KSR2: variants seen among roughly 807,000 people sequenced by gnomAD.
KSR2 encodes kinase suppressor of ras 2.
In KSR2, 25 loss-of-function variants were observed where a neutral mutation model predicts 107.8. The ratio of observed to expected loss-of-function variants is 0.23; its 90% CI spans 0.17 to 0.32. The LOEUF is 0.32. Among genes scored for constraint, KSR2 ranks in the 10% least tolerant of loss-of-function variants. KSR2 has a pLI of 1.00. For synonymous variants in KSR2, 480 were observed against 507.0 expected (o/e 0.95, Z 0.71); for missense variants, 887 against 1,268.9 (o/e 0.70, Z 4.57).
intron 4 of KSR2, among the ~76,000 whole-genome samples, chr12:117,758,864 C>T (rs765192541): frequency 6.6e-6 from 1 of 152,092 alleles, no homozygotes. Context: ...GGGAGAAGCA[C>T]AAAGTGTGGG....
chr12:117,514,318 A>G (rs1874227784), intron 14 of KSR2, among the ~76,000 whole-genome samples: 1 of 152,224 alleles, frequency 6.6e-6, no homozygotes. Context: ...CTAACCGTCC[A>G]CACCATTTTT....
intron 1 of KSR2, among the ~76,000 whole-genome samples, chr12:117,886,687 A>C (rs1202810335): frequency 6.6e-6 from 1 of 152,164 alleles, no homozygotes; most frequent in Non-Finnish European, 1.5e-5. Context: ...TATACATATA[A>C]TTATATATAA....
intron 5 of KSR2, among the ~76,000 whole-genome samples, chr12:117,615,834 G>A (rs1457857865): frequency 1.3e-5 from 2 of 152,198 alleles, no homozygotes; most frequent in African/African-American, 2.4e-5. Context: ...TGTATTGCTT[G>A]TTAAGCCAGT....
chr12:117,869,200 C>A (rs1893574536), intron 1 of KSR2, among the ~76,000 whole-genome samples: 1 of 152,024 alleles, frequency 6.6e-6, no homozygotes, highest in South Asian at 2.1e-4. Context: ...GGTGAAATCC[C>A]AACTCTACTA....
intron 5 of KSR2, among the ~76,000 whole-genome samples, chr12:117,643,275 T>A (rs1285750454): frequency 6.6e-6 from 1 of 152,062 alleles, no homozygotes; most frequent in East Asian, 1.9e-4. Flanking sequence ...ACCCCATCTC[T>A]CCTAGAAATA....
chr12:117,758,891 A>G (rs530708732), intron 4 of KSR2, among the ~76,000 whole-genome samples: 1 of 152,102 alleles, frequency 6.6e-6, no homozygotes, highest in African/African-American at 2.4e-5. Flanking sequence ...GTAGCAACCA[A>G]ACCCCAAATG....
chr12:117,735,555 C>T (rs1232626222), intron 4 of KSR2, among the ~76,000 whole-genome samples: 1 of 152,154 alleles, frequency 6.6e-6, no homozygotes, highest in Non-Finnish European at 1.5e-5. Context: ...AATTCTAATG[C>T]TCCTTCTTTT....
chr12:117,619,956 T>C (rs1356357), intron 5 of KSR2, among the ~76,000 whole-genome samples: 138,851 of 152,140 alleles, frequency 0.91, 63,590 homozygotes, highest in East Asian at 0.99. Context: ...TATTCCCAAC[T>C]CTAGCCCCAG....
chr12:117,781,802 C>G (rs181422102), intron 3 of KSR2, among the ~76,000 whole-genome samples: 113 of 152,324 alleles, frequency 7.4e-4, no homozygotes, highest in African/African-American at 2.6e-3. Context: ...GCCTCTGGAG[C>G]CCAAACGTCA....
At chr12:117,527,950 A>AGTGT (rs10664320) in intron 12 of KSR2, among the ~76,000 whole-genome samples, 4,791 of 142,628 alleles carry the variant, frequency 0.034, 114 homozygotes, top group East Asian at 0.11. Context: ...GGAAGACACA[A>AGTGT]GTGTGTGTGT....
rs146073722 is a variant in KSR2 at position 117,856,888 on chromosome 12, C to CA, written c.322-1311dup. On this transcript the variant is annotated intron_variant, in intron 2 of 19. Transcript: ENST00000339824. ...CAGAAAGAAGAAAACTGTCTCAGTA[C>CA]AAAAAATTATCTTCAAAAATATGAG... is the stretch of plus-strand genomic sequence containing the variant. 3.8e-3 allele frequency among the ~76,000 whole-genome samples: 586 copies of CA among 152,208 alleles called. 2 individuals are homozygous for CA. Among genetic ancestry groups the CA allele is most frequent in the African/African-American group, 0.013 (554 of 41,534 alleles).
chr12:117,736,928 C>T (rs893299437), intron 4 of KSR2, among the ~76,000 whole-genome samples: 2 of 152,176 alleles, frequency 1.3e-5, no homozygotes, highest in Non-Finnish European at 2.9e-5. Context: ...CTTCTCCCTA[C>T]CAAGAACCCG....
chr12:117,498,460 A>C (rs904909218), intron 14 of KSR2, among the ~76,000 whole-genome samples: 1 of 152,202 alleles, frequency 6.6e-6, no homozygotes, highest in African/African-American at 2.4e-5. Context: ...GCTTGTCCAC[A>C]CTGGCCCAGG....
intron 1 of KSR2, among the ~76,000 whole-genome samples, chr12:117,869,798 C>T (rs143046539): frequency 1.1e-3 from 160 of 152,270 alleles, no homozygotes; most frequent in African/African-American, 3.4e-3. Flanking sequence ...CCTTTGTCAA[C>T]GACAATAAAG....
chr12:117,833,919 A>T (rs1157827223), intron 3 of KSR2, among the ~76,000 whole-genome samples: 1 of 151,826 alleles, frequency 6.6e-6, no homozygotes, highest in African/African-American at 2.4e-5. Context: ...GCTTGAGCCC[A>T]GGAGTTCAAT....
intron 5 of KSR2, among the ~76,000 whole-genome samples, chr12:117,603,285 C>A (rs1342785829): frequency 6.6e-6 from 1 of 152,220 alleles, no homozygotes; most frequent in East Asian, 1.9e-4. Context: ...CAACAAAAGT[C>A]TCCAACCTCC....
rs75521621 is a variant in KSR2, at chr12:117,922,944, A to G, written c.180+45132T>C. Among the ~76,000 whole-genome samples, 426 of 152,336 alleles carry G rather than the reference A, an allele frequency of 2.8e-3. 2 individuals are homozygous for G. Among genetic ancestry groups the G allele is most frequent in the African/African-American group, 9.7e-3 (404 of 41,568 alleles). The stretch of plus-strand genomic sequence containing the variant: ...GTCATCTGGGGACATACGAACATAC[A>G]GTGAAAAACATGAGCTGCCCGATGT... On this transcript the variant is annotated intron_variant, in intron 1 of 19. Transcript: ENST00000339824.
intron 5 of KSR2, among the ~76,000 whole-genome samples, chr12:117,663,118 C>T (rs1397288465): frequency 2.0e-5 from 3 of 152,194 alleles, no homozygotes; most frequent in Admixed American, 1.3e-4. Flanking sequence ...TCACCCACAA[C>T]ACACTCCCTC....
At chr12:117,616,906 C>A (rs1020432431) in intron 5 of KSR2, among the ~76,000 whole-genome samples, 1 of 152,148 alleles carries the variant, frequency 6.6e-6, no homozygotes, top group Non-Finnish European at 1.5e-5. Flanking sequence ...TTCTTTCATT[C>A]TTTTGTTCAT....
Sources: allele counts gnomAD v4.1 joint callset (sites outside exome capture counted in the v4.1 genomes callset), GRCh38; gene constraint gnomAD v4.1.1; transcripts MANE v1.5; gene names NCBI Gene and HGNC (gene_info 2026-07-23, HGNC 2026-07-21).